FAP: variants seen among roughly 807,000 people sequenced by gnomAD.
The protein encoded by FAP is prolyl endopeptidase FAP.
Under a neutral mutation model 126.5 loss-of-function variants are expected in FAP, and 110 were observed. The ratio of observed to expected loss-of-function variants is 0.87; its 90% CI spans 0.74 to 1.02. FAP has a LOEUF of 1.02. FAP is among the 50% of genes least tolerant of loss of function. The pLI, the probability that FAP is intolerant of heterozygous loss-of-function variation, is 0.00. For missense variants in FAP, 919 were observed against 909.2 expected, an observed-to-expected ratio of 1.01 and a Z score of -0.14; for synonymous variants, 334 against 297.3, an observed-to-expected ratio of 1.12 and a Z score of -1.27.
intron 14 of FAP, among the ~76,000 whole-genome samples, chr2:162,201,627 C>G (rs543028944): frequency 2.0e-5 from 3 of 152,238 alleles, no homozygotes; most frequent in African/African-American, 7.2e-5. Context: ...TCTTTTCTCT[C>G]TCTTTTTCCT....
At chr2:162,197,873 A>C (rs1443906702) in intron 16 of FAP, 1 of 335,922 alleles carries the variant, frequency 3.0e-6, no homozygotes, top group African/African-American at 2.2e-5. Flanking sequence ...TCTAACTCTC[A>C]GCCCCAAATT....
In FAP at chr2:162,179,790, C is replaced by CTATCTATA. The variant is rs1553684067; in HGVS notation, c.1869+3623_1869+3624insTATAGATA. 1.6e-4 allele frequency among the ~76,000 whole-genome samples: 18 copies of CTATCTATA among 115,506 alleles called. No homozygotes were observed. In the East Asian group the frequency reaches 1.6e-3, roughly 10 times the overall value. The allele number at this position is 115,506 out of a possible 152,430, so 75.8% of individuals were successfully genotyped here. A position where few individuals can be genotyped will look rare whatever the true frequency, so the allele number is the denominator to read the frequency against. ...TCTATCTATCTATCTATCTATCTAT[C>CTATCTATA]TATATATATATATATATATATATTT... On this transcript the variant is annotated intron_variant, in intron 21 of 25. Transcript: ENST00000188790.
In FAP at chr2:162,194,841, A is replaced by G. The variant is rs1172936139; in HGVS notation, c.1403-93T>C. 4.7e-6 allele frequency: 5 copies of G among 1,052,656 alleles called. No individual in the cohort carries two copies. In the East Asian group the frequency reaches 9.6e-5, roughly 20 times the overall value. 65.2% of individuals were successfully genotyped at this position (1,052,656 alleles called of 1,614,324 possible). ...GCTGGTAGTATTTGTGATTAGTGTCAAGTGCCAGTACATCTTTTAATTCTG... is the reference window on the plus strand; with the variant it reads ...GCTGGTAGTATTTGTGATTAGTGTCGAGTGCCAGTACATCTTTTAATTCTG... On this transcript the variant is annotated intron_variant, in intron 16 of 25. Coordinates refer to ENST00000188790, the MANE Select transcript of FAP (RefSeq NM_004460.5).
intron 23 of FAP, 88 bp downstream of exon 23, chr2:162,173,635 T>C: frequency 1.1e-6 from 1 of 926,458 alleles, no homozygotes; most frequent in Non-Finnish European, 1.7e-6. Context: ...GGGCCCAGAA[T>C]TAAAACTGTA....
At chr2:162,194,351 C>A (rs970737522) in intron 17 of FAP, among the ~76,000 whole-genome samples, 1 of 151,128 alleles carries the variant, frequency 6.6e-6, no homozygotes, top group Non-Finnish European at 1.5e-5. Flanking sequence ...AAAAAAACAC[C>A]CTAGGGATTC....
At chr2:162,197,283 T>C (rs976605132) in intron 16 of FAP, among the ~76,000 whole-genome samples, 4 of 152,138 alleles carry the variant, frequency 2.6e-5, no homozygotes, top group African/African-American at 9.7e-5. Context: ...ATACAAAGAT[T>C]AAAAGAATGT....
At chr2:162,223,541 C>T in intron 6 of FAP, 67 bp downstream of exon 6, 2 of 1,029,812 alleles carry the variant, frequency 1.9e-6, no homozygotes, top group Non-Finnish European at 3.0e-6. Context: ...AACCCCAAAT[C>T]ATAGTTTGGA....
chr2:162,229,960 A>G (rs931701204), intron 2 of FAP, among the ~76,000 whole-genome samples: 1 of 152,208 alleles, frequency 6.6e-6, no homozygotes, highest in African/African-American at 2.4e-5. Context: ...GAATGGATGT[A>G]TGAATAACAT....
rs551594174 is a variant in FAP at position 162,171,441 on chromosome 2, A to G, written c.2182-361T>C. On this transcript the variant is annotated intron_variant, in intron 25 of 25. Transcript: ENST00000188790. The stretch of plus-strand genomic sequence containing the variant: ...TTCATTTGAAAAACAAAGGGGTTGG[A>G]GTTGATTTTCCCTAAGATTCCTTGT... 10 of 176,342 alleles carry G rather than the reference A, an allele frequency of 5.7e-5. No homozygotes were observed. The South Asian group carries it at 1.3e-3, about 24-fold the overall frequency. The allele number at this position is 176,342 out of a possible 1,614,324, so 10.9% of individuals were successfully genotyped here.
chr2:162,227,206 T>C (rs777003785), intron 2 of FAP, among the ~76,000 whole-genome samples: 1 of 152,154 alleles, frequency 6.6e-6, no homozygotes, highest in East Asian at 1.9e-4. Context: ...TCTCATACTA[T>C]GGATTTTTAT....
intron 17 of FAP, among the ~76,000 whole-genome samples, chr2:162,192,334 TC>T (rs1688077727): frequency 6.6e-6 from 1 of 152,088 alleles, no homozygotes; most frequent in Non-Finnish European, 1.5e-5. Context: ...TCCCTCACTC[TC>T]TGCAGCATCT....
At chr2:162,219,268 A>G in intron 7 of FAP, 85 bp from the exon 8 acceptor site, 2 of 1,290,310 alleles carry the variant, frequency 1.6e-6, no homozygotes, top group South Asian at 2.8e-5. Flanking sequence ...ATACCTTTAA[A>G]CAGAGTGGTA....
chr2:162,199,459 C>A (rs2106242726), intron 15 of FAP, among the ~76,000 whole-genome samples: 1 of 152,358 alleles, frequency 6.6e-6, no homozygotes, highest in South Asian at 2.1e-4. Flanking sequence ...TCTACACAAG[C>A]CAATCTGCAC....
chr2:162,171,483 G>A (rs2106208666), intron 25 of FAP: 1 of 168,218 alleles, frequency 5.9e-6, no homozygotes, highest in Non-Finnish European at 1.3e-5. Context: ...AAAATTCCAT[G>A]AGGCTTTCAG....
intron 11 of FAP, among the ~76,000 whole-genome samples, chr2:162,210,287 T>C (rs1688875116): frequency 6.6e-6 from 1 of 152,182 alleles, no homozygotes; most frequent in South Asian, 2.1e-4. Flanking sequence ...ATCCACTTGA[T>C]GTGGTGTAGG....
intron 12 of FAP, among the ~76,000 whole-genome samples, chr2:162,204,052 T>C (rs1188582648): frequency 6.6e-6 from 1 of 152,168 alleles, no homozygotes; most frequent in Non-Finnish European, 1.5e-5. Context: ...CTCTACATCA[T>C]GCAGAGCAGA....
chr2:162,189,517 G>T, intron 18 of FAP, 139 bp downstream of exon 18: 1 of 592,186 alleles, frequency 1.7e-6, no homozygotes, highest in Non-Finnish European at 3.0e-6. Context: ...AATTGTTACA[G>T]TAAGATTATT....
intron 11 of FAP, 136 bp downstream of exon 11, chr2:162,213,802 G>A: frequency 1.5e-6 from 1 of 688,766 alleles, no homozygotes; most frequent in Non-Finnish European, 2.3e-6. Context: ...TGAATACTGA[G>A]TGTGTTTTTG....
At chr2:162,215,139 C>A (rs1455802085) in intron 10 of FAP, among the ~76,000 whole-genome samples, 1 of 152,176 alleles carries the variant, frequency 6.6e-6, no homozygotes, top group African/African-American at 2.4e-5. Flanking sequence ...AGAGTGGACT[C>A]AGCAAGGCCC....
Sources: allele counts gnomAD v4.1 joint callset (sites outside exome capture counted in the v4.1 genomes callset), GRCh38; gene constraint gnomAD v4.1.1; transcripts MANE v1.5; gene names NCBI Gene and HGNC (gene_info 2026-07-23, HGNC 2026-07-21).